Variants in LRRTM3 observed in about 807,000 individuals in gnomAD.
The protein encoded by LRRTM3 is leucine rich repeat transmembrane neuronal 3, also known as leucine-rich repeat transmembrane neuronal protein 3.
A neutral mutation model predicts 44.7 loss-of-function variants in LRRTM3; 24 were observed. The ratio of observed to expected loss-of-function variants is 0.54; its 90% CI spans 0.39 to 0.76. LRRTM3 has a LOEUF of 0.76. LRRTM3 is among the 30% of genes least tolerant of loss of function. LRRTM3 has a pLI of 0.00. For missense variants in LRRTM3, 587 were observed against 702.2 expected, an observed-to-expected ratio of 0.84 and a Z score of 1.85; for synonymous variants, 277 against 278.7, an observed-to-expected ratio of 0.99 and a Z score of 0.06.
intron 2 of LRRTM3, among the ~76,000 whole-genome samples, chr10:66,963,912 G>C (rs556250639): frequency 2.0e-5 from 3 of 151,424 alleles, no homozygotes; most frequent in African/African-American, 4.9e-5. Flanking sequence ...GCGCAATCTC[G>C]GTTCACTGAA....
intron 2 of LRRTM3, among the ~76,000 whole-genome samples, chr10:67,022,118 C>T (rs17279376): frequency 0.11 from 16,735 of 151,746 alleles, 1,150 homozygotes; most frequent in South Asian, 0.28. Flanking sequence ...TATTTGAAGC[C>T]AAAGGAGTGG....
chr10:66,964,406 T>TAAACTG (rs1216323585), intron 2 of LRRTM3, among the ~76,000 whole-genome samples: 1 of 152,174 alleles, frequency 6.6e-6, no homozygotes, highest in Non-Finnish European at 1.5e-5. Flanking sequence ...CATACATTTT[T>TAAACTG]AAACTGGCAC....
chr10:67,004,738 A>G (rs1435252499), intron 2 of LRRTM3, among the ~76,000 whole-genome samples: 1 of 152,194 alleles, frequency 6.6e-6, no homozygotes, highest in Non-Finnish European at 1.5e-5. Flanking sequence ...AACTTATATC[A>G]TGTCAATTAT....
chr10:67,042,929 G>T (rs965929990), intron 2 of LRRTM3, among the ~76,000 whole-genome samples: 3 of 152,044 alleles, frequency 2.0e-5, no homozygotes, highest in African/African-American at 7.2e-5. Context: ...ATATTCGAAC[G>T]CTATAAAAGA....
intron 2 of LRRTM3, among the ~76,000 whole-genome samples, chr10:66,938,993 A>T (rs1847863636): frequency 6.6e-6 from 1 of 152,090 alleles, no homozygotes; most frequent in Non-Finnish European, 1.5e-5. Context: ...TCTCAGCCCC[A>T]GTTCTGCAAG....
chr10:66,980,236 T>C (rs1396540185), intron 2 of LRRTM3, among the ~76,000 whole-genome samples: 1 of 152,136 alleles, frequency 6.6e-6, no homozygotes, highest in Non-Finnish European at 1.5e-5. Context: ...TGAAGTCAAT[T>C]ACTAATTTAG....
At position 66,957,414 on chromosome 10, in the gene LRRTM3, G is replaced by A. The variant is rs1452874095; in HGVS notation, c.1536+28962G>A. Among the ~76,000 whole-genome samples, 16 of 25,270 alleles carry A rather than the reference G, an allele frequency of 6.3e-4. No individual in the cohort carries two copies. The East Asian group carries it at 0.01, about 16-fold the overall frequency. The allele number at this position is 25,270 out of a possible 152,430, so 16.6% of individuals were successfully genotyped here. A position where few individuals can be genotyped will look rare whatever the true frequency, so the allele number is the denominator to read the frequency against. ...TATACATATATATATATATATATAT[G>A]CATATATATATATGCATATATATAT... On this transcript the variant is annotated intron_variant, in intron 2 of 2. Coordinates refer to ENST00000361320, the MANE Select transcript of LRRTM3 (RefSeq NM_178011.5).
chr10:67,014,414 A>G (rs999476807), intron 2 of LRRTM3, among the ~76,000 whole-genome samples: 1 of 152,208 alleles, frequency 6.6e-6, no homozygotes, highest in Non-Finnish European at 1.5e-5. Flanking sequence ...TGGACTATAT[A>G]ACTTAAGAAA....
chr10:66,955,626 T>A (rs779766428), intron 2 of LRRTM3, among the ~76,000 whole-genome samples: 1 of 152,152 alleles, frequency 6.6e-6, no homozygotes, highest in Non-Finnish European at 1.5e-5. Flanking sequence ...GATATATGGA[T>A]AGACACACGA....
At chr10:66,998,615 T>C (rs750687224) in intron 2 of LRRTM3, among the ~76,000 whole-genome samples, 7 of 151,936 alleles carry the variant, frequency 4.6e-5, no homozygotes, top group Non-Finnish European at 8.8e-5. Context: ...ACATTGGAAA[T>C]AAAGAAGTTT....
intron 2 of LRRTM3, among the ~76,000 whole-genome samples, chr10:66,980,259 T>A (rs1219592509): frequency 6.6e-6 from 1 of 152,206 alleles, no homozygotes; most frequent in Non-Finnish European, 1.5e-5. Flanking sequence ...ACCACTGTGT[T>A]CCTTGTCTCT....
intron 2 of LRRTM3, among the ~76,000 whole-genome samples, chr10:67,019,887 A>T (rs1259882407): frequency 1.3e-5 from 2 of 152,152 alleles, no homozygotes; most frequent in Non-Finnish European, 2.9e-5. Context: ...CATTGCTGTA[A>T]TTCTACCATA....
intron 2 of LRRTM3, among the ~76,000 whole-genome samples, chr10:66,958,026 G>C (rs1283224091): frequency 6.6e-6 from 1 of 152,022 alleles, no homozygotes; most frequent in Non-Finnish European, 1.5e-5. Flanking sequence ...CATAGAACTA[G>C]AGGGGCCAAA....
intron 2 of LRRTM3, among the ~76,000 whole-genome samples, chr10:67,060,461 G>A (rs552279344): frequency 1.3e-5 from 2 of 152,160 alleles, no homozygotes; most frequent in Non-Finnish European, 2.9e-5. Flanking sequence ...AAAAGTAAAT[G>A]TTTCCAATTG....
intron 2 of LRRTM3, among the ~76,000 whole-genome samples, chr10:66,937,785 C>T (rs958110969): frequency 2.6e-5 from 4 of 152,074 alleles, no homozygotes; most frequent in African/African-American, 7.2e-5. Flanking sequence ...TGAGAAATGC[C>T]CTTCCTCCCT....
chr10:67,010,295 G>C (rs1231492074), intron 2 of LRRTM3, among the ~76,000 whole-genome samples: 1 of 152,144 alleles, frequency 6.6e-6, no homozygotes, highest in Non-Finnish European at 1.5e-5. Context: ...TCCCACATTA[G>C]TTAGAATAAT....
intron 2 of LRRTM3, among the ~76,000 whole-genome samples, chr10:67,002,242 A>G (rs1228110502): frequency 1.3e-5 from 2 of 152,172 alleles, no homozygotes; most frequent in Non-Finnish European, 2.9e-5. Flanking sequence ...ATTATTTCTT[A>G]TCTATAATAT....
chr10:67,095,519 C>A (rs1245955997), intron 2 of LRRTM3, among the ~76,000 whole-genome samples: 1 of 151,656 alleles, frequency 6.6e-6, no homozygotes, highest in Non-Finnish European at 1.5e-5. Context: ...CTCTGCATAC[C>A]AGTCAGTAGC....
intron 2 of LRRTM3, among the ~76,000 whole-genome samples, chr10:66,978,510 G>A (rs1179694609): frequency 1.4e-5 from 1 of 73,728 alleles, no homozygotes; most frequent in East Asian, 4.0e-4. Flanking sequence ...CTGGATGATA[G>A]AGTGAGACTC....
Sources: gnomAD v4.1 joint callset for allele counts (sites outside exome capture counted in the v4.1 genomes callset) on GRCh38, gnomAD v4.1.1 for gene constraint, MANE v1.5 for transcripts, NCBI Gene and HGNC (gene_info 2026-07-23, HGNC 2026-07-21) for gene names.